The following CSF2RA variants were observed in gnomAD, a reference collection of about 807,000 sequenced individuals.
CSF2RA encodes the protein colony stimulating factor 2 receptor subunit alpha.
In CSF2RA, 42 loss-of-function variants were observed where a neutral mutation model predicts 51.6. That is an observed-to-expected ratio of 0.81 (90% CI 0.64 to 1.05). The LOEUF is 1.05. Ranked by LOEUF, CSF2RA falls within the 50% of genes least tolerant of loss-of-function variation. The pLI, the probability that CSF2RA is intolerant of heterozygous loss-of-function variation, is 0.00. For missense variants in CSF2RA, 530 were observed against 501.1 expected, an observed-to-expected ratio of 1.06 and a Z score of -0.55; for synonymous variants, 222 against 193.0, an observed-to-expected ratio of 1.15 and a Z score of -1.24.
intron 10 of CSF2RA, among the ~76,000 whole-genome samples, chrX:1,301,912 C>CTTTTT (rs1158872719): frequency 1.9e-5 from 2 of 103,626 alleles, no homozygotes; most frequent in African/African-American, 7.8e-5. Context: ...GGCCCTCCCT[C>CTTTTT]TTTTTTTTTT....
intron 6 of CSF2RA, 32 bp from the exon 7 acceptor site, chrX:1,290,305 G>T: frequency 6.4e-7 from 1 of 1,573,590 alleles, no homozygotes; most frequent in Non-Finnish European, 8.7e-7. Context: ...TTGTTTTCCT[G>T]ATTGCTCTCT....
At chrX:1,314,953 G>GCCTGCCCAACCCCACTGCA (rs2084495319), downstream of CSF2RA, among the ~76,000 whole-genome samples, 2 of 73,934 alleles carry the variant, frequency 2.7e-5, no homozygotes, top group South Asian at 5.8e-4. Context: ...ACCCCTCTGT[G>GCCTGCCCAACCCCACTGCA]CCTGCCCAAC....
chrX:1,286,845 T>C (rs1188728959), intron 4 of CSF2RA, among the ~76,000 whole-genome samples: 1 of 152,028 alleles, frequency 6.6e-6, no homozygotes, highest in Non-Finnish European at 1.5e-5. Context: ...AAAAGTAAAG[T>C]GTCAGTCACG....
intron 4 of CSF2RA, among the ~76,000 whole-genome samples, chrX:1,286,645 A>G (rs1411811187): frequency 6.6e-6 from 1 of 152,152 alleles, no homozygotes; most frequent in Non-Finnish European, 1.5e-5. Flanking sequence ...CAAGTGTGGT[A>G]TTTGGAGAAA....
At chrX:1,274,222 G>A (rs2088840484) in intron 1 of CSF2RA, among the ~76,000 whole-genome samples, 1 of 152,020 alleles carries the variant, frequency 6.6e-6, no homozygotes, top group African/African-American at 2.4e-5. Flanking sequence ...AGTTCATTTT[G>A]CCGAGGTTAA....
At chrX:1,308,764 A>G (rs2148712703) in intron 12 of CSF2RA, among the ~76,000 whole-genome samples, 1 of 152,192 alleles carries the variant, frequency 6.6e-6, no homozygotes, top group South Asian at 2.1e-4. Context: ...AGGTGCCAGG[A>G]TGACGGCTTC....
chrX:1,284,660 A>ATTTTTTTTTTTTT (rs61159606), intron 3 of CSF2RA, among the ~76,000 whole-genome samples: 1 of 24,466 alleles, frequency 4.1e-5, no homozygotes, highest in Non-Finnish European at 7.0e-5. Context: ...CTAGTTTTTG[A>ATTTTTTTTTTTTT]TTTTTTTTTT....
chrX:1,314,268 C>CCCAACCACTCT (rs1569514710), downstream of CSF2RA, among the ~76,000 whole-genome samples: 20 of 47,632 alleles, frequency 4.2e-4, 4 homozygotes, highest in African/African-American at 1.8e-3. Context: ...AACCCCACTG[C>CCCAACCACTCT]GCCTGCCCAA....
At chrX:1,300,667 C>T (rs371066262) in intron 10 of CSF2RA, 41 bp downstream of exon 10, 18 of 1,613,526 alleles carry the variant, frequency 1.1e-5, no homozygotes, top group South Asian at 2.2e-5. Context: ...GTGCCGTCTG[C>T]GGCCACCCTG....
At chrX:1,301,151 TCAAAAAAAA>T (rs1157539135) in intron 10 of CSF2RA, among the ~76,000 whole-genome samples, 1 of 136,750 alleles carries the variant, frequency 7.3e-6, no homozygotes, top group African/African-American at 2.8e-5. Flanking sequence ...AGACTCCGTC[TCAAAAAAAA>T]AAAGAAAAAA....
chrX:1,277,213 TC>T (rs1210019854), intron 2 of CSF2RA, among the ~76,000 whole-genome samples: 1 of 152,048 alleles, frequency 6.6e-6, no homozygotes, highest in Non-Finnish European at 1.5e-5. Context: ...ATCTCATGCT[TC>T]CCTTAAAGCA....
intron 12 of CSF2RA, among the ~76,000 whole-genome samples, chrX:1,307,361 T>C (rs1380584738): frequency 2.0e-5 from 3 of 151,658 alleles, no homozygotes; most frequent in African/African-American, 7.3e-5. Flanking sequence ...CCTTTACACC[T>C]TCGACTGATT....
chrX:1,294,487 G>A (rs747329170), intron 8 of CSF2RA, 26 bp downstream of exon 8: 2 of 1,613,518 alleles, frequency 1.2e-6, no homozygotes, highest in South Asian at 1.1e-5. Flanking sequence ...CCGGGGCTGG[G>A]CACCAGGAGG....
the CSF2RA span, among the ~76,000 whole-genome samples, chrX:1,323,638 C>G: frequency 1.3e-5 from 2 of 152,022 alleles, no homozygotes; most frequent in Non-Finnish European, 2.9e-5. Context: ...AATCCCAGCA[C>G]TTTGGGAGGC....
chrX:1,293,089 G>A (rs1171221178), intron 7 of CSF2RA, among the ~76,000 whole-genome samples: 26 of 152,218 alleles, frequency 1.7e-4, no homozygotes, highest in Non-Finnish European at 1.5e-5. Context: ...TGAGCACAGT[G>A]TTGGGGCTAC....
In CSF2RA at chrX:1,294,425, C is replaced by T. The variant is rs1317917757; in HGVS notation, c.744C>T (p.Tyr248=). 3 of 1,613,572 alleles carry T rather than the reference C, an allele frequency of 1.9e-6. No individual in the cohort carries two copies. The highest frequency in any genetic ancestry group is 2.5e-6 in the Non-Finnish European group (3 of 1,179,878). Residue 248 remains tyrosine (Y), a synonymous_variant, in exon 8 of 13, where the codon TAC becomes TAT. Coordinates refer to ENST00000381529, the MANE Select transcript of CSF2RA (RefSeq NM_172245.4). Reference sequence around the variant, plus strand: ...CCAGGACCTATCAGAAGCTGTCGTACCTGGACTTTCAGTACCAGCTGGACG... The same window carrying T: ...CCAGGACCTATCAGAAGCTGTCGTATCTGGACTTTCAGTACCAGCTGGACG... The part of the protein sequence containing the change: ...KQPRTYQKLS[Y]LDFQYQLDVH...
intron 9 of CSF2RA, among the ~76,000 whole-genome samples, chrX:1,295,851 A>T (rs1404186495): frequency 3.2e-5 from 4 of 124,496 alleles, no homozygotes; most frequent in Admixed American, 1.5e-4. Context: ...ACAGTCCCCT[A>T]CTCACCACAC....
At chrX:1,280,386 G>T (rs375516335) in intron 2 of CSF2RA, among the ~76,000 whole-genome samples, 1 of 150,648 alleles carries the variant, frequency 6.6e-6, no homozygotes, top group African/African-American at 2.4e-5. Flanking sequence ...CAGGAGAATC[G>T]CTTGAACCCG....
chrX:1,301,554 C>G (rs2082925266), intron 10 of CSF2RA, among the ~76,000 whole-genome samples: 2 of 149,078 alleles, frequency 1.3e-5, no homozygotes, highest in African/African-American at 5.0e-5. Flanking sequence ...CGTCACCATT[C>G]CGGCTCCCTG....
Sources: gnomAD v4.1 joint callset for allele counts (sites outside exome capture counted in the v4.1 genomes callset) on GRCh38, gnomAD v4.1.1 for gene constraint, MANE v1.5 for transcripts, NCBI Gene and HGNC (gene_info 2026-07-23, HGNC 2026-07-21) for gene names.